LAMC1: variants seen among roughly 807,000 people sequenced by gnomAD.
LAMC1 encodes the protein laminin subunit gamma-1.
LAMC1 carries 38 observed loss-of-function variants against 173.6 expected under a neutral mutation model. The ratio of observed to expected loss-of-function variants is 0.22; its 90% CI spans 0.17 to 0.29. The LOEUF (loss-of-function observed/expected upper bound fraction) is 0.29, where lower values mean the gene tolerates loss of function less well. Ranked by LOEUF, LAMC1 falls within the 10% of genes least tolerant of loss-of-function variation. LAMC1 has a pLI of 1.00. For synonymous variants in LAMC1, 746 were observed against 749.1 expected (o/e 1.00, Z 0.07); for missense variants, 1,824 against 2,051.8 (o/e 0.89, Z 2.14).
intron 1 of LAMC1, among the ~76,000 whole-genome samples, chr1:183,043,365 G>A (rs1328916643): frequency 1.3e-5 from 2 of 152,006 alleles, no homozygotes; most frequent in Non-Finnish European, 2.9e-5. Context: ...TGCTGTTTAG[G>A]GCTTTTTGAA....
chr1:183,099,488 A>G (rs1312152557), intron 1 of LAMC1, among the ~76,000 whole-genome samples: 2 of 152,070 alleles, frequency 1.3e-5, no homozygotes, highest in East Asian at 3.9e-4. Context: ...CTTAGTCATT[A>G]TCTTACTTGA....
In LAMC1 at chr1:183,023,866, C is replaced by T. The variant is rs771650216; in HGVS notation, c.150C>T (p.Cys50=). The change falls in exon 1 of 28, where the codon TGC becomes TGT. Residue 50 remains cysteine, a synonymous_variant. Transcript: ENST00000258341. ...ACGAGGGCGGGCGGCCGCAGCGCTG[C>T]ATGCCCGAGTTCGTCAACGCCGCCT... ...CTDEGGRPQR[C]MPEFVNAAFN... The T allele has an allele frequency of 9.9e-6, 16 of 1,611,592 alleles. No homozygotes were observed. Among genetic ancestry groups the T allele is most frequent in the African/African-American group, 1.3e-5 (1 of 74,898 alleles).
At chr1:183,109,823 A>G (rs1268536749) in intron 3 of LAMC1, among the ~76,000 whole-genome samples, 2 of 152,208 alleles carry the variant, frequency 1.3e-5, no homozygotes, top group South Asian at 2.1e-4. Context: ...ATTTGTTATC[A>G]TACTTGCATC....
At chr1:183,093,358 G>C (rs1655612632) in intron 1 of LAMC1, among the ~76,000 whole-genome samples, 1 of 151,996 alleles carries the variant, frequency 6.6e-6, no homozygotes, top group East Asian at 1.9e-4. Context: ...AGTTCAGTTG[G>C]TCACTCTCTT....
chr1:183,105,598 T>C (rs977501831), intron 2 of LAMC1, among the ~76,000 whole-genome samples: 5 of 151,068 alleles, frequency 3.3e-5, no homozygotes, highest in Non-Finnish European at 5.9e-5. Context: ...GTAATGAGAC[T>C]GTGTGGTAAA....
intron 1 of LAMC1, among the ~76,000 whole-genome samples, chr1:183,053,543 G>A (rs1407382073): frequency 6.6e-6 from 1 of 152,008 alleles, no homozygotes; most frequent in Non-Finnish European, 1.5e-5. Context: ...GGTGTTCTTA[G>A]ACTGCATTGG....
chr1:183,125,249 C>CA, intron 14 of LAMC1, 148 bp from the exon 15 acceptor site: 2 of 750,510 alleles, frequency 2.7e-6, no homozygotes, highest in Non-Finnish European at 4.5e-6. Context: ...TCAGACTCAC[C>CA]AGCCACATTT....
intron 1 of LAMC1, among the ~76,000 whole-genome samples, chr1:183,031,067 A>G (rs1653836681): frequency 6.6e-6 from 1 of 152,226 alleles, no homozygotes; most frequent in Admixed American, 6.5e-5. Context: ...ATTATTAAGC[A>G]GCTGAGGGGA....
rs1483521640 is a variant in LAMC1, at chr1:183,121,816, G to A, written c.2084G>A (p.Gly695Glu). Residue 695 changes from glycine to glutamate, a missense_variant, in exon 12 of 28, where the codon GGA (glycine) becomes GAA (glutamate). Physicochemically the swap from Gly to Glu is moderately conservative, Grantham distance 98. Transcript: ENST00000258341. ...TWVESCTCPV[G>E]YGGQFCEMCL... is the part of the protein sequence containing the mutation. ...GTGGAGTCCTGCACCTGTCCTGTGG[G>A]ATATGGAGGGCAGTTTTGTGAGATG... 1.9e-6 allele frequency: 3 copies of A among 1,614,166 alleles called. No individual in the cohort carries two copies. The highest frequency in any genetic ancestry group is 1.1e-5 in the South Asian group (1 of 91,070).
chr1:183,135,351 A>T (rs532349456), intron 24 of LAMC1, among the ~76,000 whole-genome samples, 195 bp downstream of exon 24: 3 of 152,126 alleles, frequency 2.0e-5, no homozygotes, highest in African/African-American at 7.2e-5. Flanking sequence ...TTTTTTAAAG[A>T]TGTTTTCTTA....
chr1:183,036,996 G>A (rs1439521010), intron 1 of LAMC1, among the ~76,000 whole-genome samples: 4 of 151,730 alleles, frequency 2.6e-5, no homozygotes, highest in Admixed American at 1.3e-4. Context: ...GGCTGGCCTC[G>A]AACTCCTGAC....
At chr1:183,054,919 C>T (rs1417272526) in intron 1 of LAMC1, among the ~76,000 whole-genome samples, 4 of 151,606 alleles carry the variant, frequency 2.6e-5, no homozygotes, top group African/African-American at 9.7e-5. Flanking sequence ...ATTCCTTGTT[C>T]TTGGTGCTCT....
At chr1:183,038,256 G>A (rs1425647121) in intron 1 of LAMC1, among the ~76,000 whole-genome samples, 3 of 152,042 alleles carry the variant, frequency 2.0e-5, no homozygotes, top group South Asian at 4.1e-4. Context: ...GGCTGGTCTC[G>A]AACTCCTGAC....
chr1:183,057,852 T>C (rs1169181748), intron 1 of LAMC1, among the ~76,000 whole-genome samples: 3 of 152,230 alleles, frequency 2.0e-5, no homozygotes, highest in African/African-American at 7.2e-5. Context: ...TTAATCTCTA[T>C]TGAGATGTTC....
intron 1 of LAMC1, among the ~76,000 whole-genome samples, chr1:183,079,817 C>T (rs1655221228): frequency 6.6e-6 from 1 of 152,144 alleles, no homozygotes; most frequent in Admixed American, 6.5e-5. Flanking sequence ...CTTGAAATAA[C>T]TAACAAGCAT....
intron 11 of LAMC1, among the ~76,000 whole-genome samples, chr1:183,119,904 C>G (rs1176003902): frequency 6.6e-6 from 1 of 151,998 alleles, no homozygotes; most frequent in Non-Finnish European, 1.5e-5. Flanking sequence ...GGCGTGGTAA[C>G]TCATGCCTGT....
At chr1:183,113,663 T>C in intron 4 of LAMC1, among the ~76,000 whole-genome samples, 1 of 152,194 alleles carries the variant, frequency 6.6e-6, no homozygotes, top group South Asian at 2.1e-4. Context: ...GGATCTAGAT[T>C]TCTTTTTAAT....
intron 2 of LAMC1, among the ~76,000 whole-genome samples, chr1:183,104,170 C>T (rs1477582377): frequency 6.6e-6 from 1 of 152,210 alleles, no homozygotes; most frequent in East Asian, 1.9e-4. Context: ...AGAAACTCCT[C>T]ATCACCTAAA....
chr1:183,092,455 C>A (rs1469651574), intron 1 of LAMC1, among the ~76,000 whole-genome samples: 1 of 151,888 alleles, frequency 6.6e-6, no homozygotes, highest in Non-Finnish European at 1.5e-5. Flanking sequence ...GAGTTTGGGA[C>A]CTCACCCAAA....
Sources: allele counts gnomAD v4.1 joint callset (sites outside exome capture counted in the v4.1 genomes callset), GRCh38; gene constraint gnomAD v4.1.1; transcripts MANE v1.5; gene names NCBI Gene and HGNC (gene_info 2026-07-23, HGNC 2026-07-21).